The following PTGDS variants were observed in gnomAD, a reference collection of about 807,000 sequenced individuals.
PTGDS encodes the protein prostaglandin D2 synthase, also known as prostaglandin-H2 D-isomerase.
Under a neutral mutation model 28.4 loss-of-function variants are expected in PTGDS, and 21 were observed. The ratio of observed to expected loss-of-function variants is 0.74; its 90% CI spans 0.52 to 1.07. PTGDS has a LOEUF of 1.07. Among genes scored for constraint, PTGDS ranks in the 50% least tolerant of loss-of-function variants. The pLI is 0.00. For missense variants in PTGDS, 243 were observed against 247.7 expected, an observed-to-expected ratio of 0.98 and a Z score of 0.13; for synonymous variants, 102 against 106.0, an observed-to-expected ratio of 0.96 and a Z score of 0.23.
chr9:136,980,618 C>T (rs903255515), intron 5 of PTGDS: 23 of 1,512,102 alleles, frequency 1.5e-5, no homozygotes, highest in Non-Finnish European at 1.7e-5. Flanking sequence ...CAGGCACAGC[C>T]TCCTAGGGGT....
chr9:136,979,309 G>A lies in PTGDS; in HGVS notation c.331+10G>A, dbSNP rs1000652730. 19 of 1,604,966 alleles carry A rather than the reference G, an allele frequency of 1.2e-5. No individual in the cohort carries two copies. The highest frequency in any genetic ancestry group is 1.6e-5 in the Non-Finnish European group (19 of 1,176,272). On this transcript the variant is annotated intron_variant, in intron 3 of 6. Coordinates refer to ENST00000371625, the MANE Select transcript of PTGDS (RefSeq NM_000954.6). ...AGCTACCGGAGTCCCCGTGAGTGGG[G>A]CCTCCACCGGCCCCCTGGGCCCAGC...
At chr9:136,978,295 T>A (rs1830397106) in intron 1 of PTGDS, among the ~76,000 whole-genome samples, 1 of 152,020 alleles carries the variant, frequency 6.6e-6, no homozygotes, top group African/African-American at 2.4e-5. Flanking sequence ...GGCCAGGCGC[T>A]CAGCCAGGGC....
At position 136,980,010 on chromosome 9, in the gene PTGDS, C is replaced by T. The variant is rs746821662; in HGVS notation, c.396C>T (p.Tyr132=). 4 of 1,613,104 alleles carry T rather than the reference C, an allele frequency of 2.5e-6. No individual in the cohort carries two copies. The highest frequency in any genetic ancestry group is 1.1e-5 in the South Asian group (1 of 91,088). ...ACTACGACCAGTACGCGCTGCTGTA[C>T]AGCCAGGGCAGCAAGGGCCCTGGCG... ...ETDYDQYALL[Y]SQGSKGPGED... The change falls in exon 4 of 7, where the codon TAC becomes TAT. Residue 132 remains tyrosine (Y), a synonymous_variant. Transcript: ENST00000371625.
chr9:136,979,978 G>T lies in PTGDS; in HGVS notation c.364G>T (p.Glu122Ter). The T allele has an allele frequency of 6.2e-7, 1 of 1,613,270 alleles. No individual in the cohort carries two copies. The highest frequency in any genetic ancestry group is 8.5e-7 in the Non-Finnish European group (1 of 1,179,950). ...CAGCACCTACTCCGTGTCAGTGGTG[G>T]AGACCGACTACGACCAGTACGCGCT... ...WGSTYSVSVV[E>*]TDYDQYALLY... Residue 122 changes from glutamate (E) to a stop codon, truncating the protein, a stop_gained, in exon 4 of 7, where the codon GAG (glutamate) becomes TAG (stop). Transcript: ENST00000371625. LOFTEE classifies it high-confidence loss of function.
chr9:136,980,297 A>G lies in PTGDS; in HGVS notation c.550+13A>G, dbSNP rs1396931285. On this transcript the variant is annotated intron_variant, in intron 5 of 6. Transcript: ENST00000371625. ...CTGCCCCAAACCGGTGAGGGGTCCTAATCTGATGGGGAGAGGATCAAGGTC... is the reference window on the plus strand; with the variant it reads ...CTGCCCCAAACCGGTGAGGGGTCCTGATCTGATGGGGAGAGGATCAAGGTC... 2.5e-6 allele frequency: 4 copies of G among 1,612,318 alleles called. No individual in the cohort carries two copies. The South Asian group carries it at 3.3e-5, about 13-fold the overall frequency.
At chr9:136,979,380 G>A (rs761444400) in intron 3 of PTGDS, 81 bp downstream of exon 3, 1 of 1,578,658 alleles carries the variant, frequency 6.3e-7, no homozygotes. Context: ...GCCCCCTGCC[G>A]CGGAGATCCA....
At chr9:136,979,660 C>G in intron 3 of PTGDS, 1 of 613,982 alleles carries the variant, frequency 1.6e-6, no homozygotes, top group Non-Finnish European at 2.8e-6. Context: ...GGGAATGGCT[C>G]CCACGGGGAA....
At chr9:136,977,868 T>C (rs1015738742) in intron 1 of PTGDS, among the ~76,000 whole-genome samples, 176 bp downstream of exon 1, 7 of 148,840 alleles carry the variant, frequency 4.7e-5, no homozygotes, top group Admixed American at 2.0e-4. Flanking sequence ...CCGAGGAGGC[T>C]GCCCGCGAGA....
rs753598467 is a variant in PTGDS, at chr9:136,979,027, C to G, written c.149C>G (p.Ser50Cys). 1 of 1,609,030 alleles carries G rather than the reference C, an allele frequency of 6.2e-7. No homozygotes were observed. Among genetic ancestry groups the G allele is most frequent in the Non-Finnish European group, 8.5e-7 (1 of 1,178,060 alleles). The change falls in exon 2 of 7, where the codon TCC becomes TGC. Residue 50 changes from serine (S) to cysteine (C), a missense_variant. Transcript: ENST00000371625. ...CGCTGGTTCAGCGCGGGCCTCGCCT[C>G]CAACTCGAGCTGGCTCCGGGAGAAG... ...LGRWFSAGLA[S>C]NSSWLREKKA...
chr9:136,978,210 C>A (rs758079309), intron 1 of PTGDS, among the ~76,000 whole-genome samples: 5 of 152,138 alleles, frequency 3.3e-5, no homozygotes, highest in Admixed American at 6.5e-5. Flanking sequence ...AGAACCCCAG[C>A]GGTCCGCAGA....
At chr9:136,979,921 A>G (rs1351945961) in intron 3 of PTGDS, 25 bp from the exon 4 acceptor site, 1 of 1,605,588 alleles carries the variant, frequency 6.2e-7, no homozygotes, top group Non-Finnish European at 8.5e-7. Flanking sequence ...TGAGTCCCCG[A>G]CAGGGTTGTC....
chr9:136,978,728 T>C (rs568696536), intron 1 of PTGDS: 1 of 219,276 alleles, frequency 4.6e-6, no homozygotes, highest in African/African-American at 5.9e-5. Context: ...AGGGGCGGGG[T>C]CATCTCCTGG....
chr9:136,980,368 G>A (rs755241099), intron 5 of PTGDS, 84 bp downstream of exon 5: 31 of 1,454,934 alleles, frequency 2.1e-5, no homozygotes, highest in Non-Finnish European at 2.9e-5. Flanking sequence ...GAGGCAGAGG[G>A]GAGGAGGTGG....
At position 136,978,975 on chromosome 9, in the gene PTGDS, G is replaced by T; in HGVS notation, c.115-18G>T. On this transcript the variant is annotated intron_variant, in intron 1 of 6. Coordinates refer to ENST00000371625, the MANE Select transcript of PTGDS (RefSeq NM_000954.6). ...CCGGAGGGTCCTGGCCGACGCGGGT[G>T]GGGGTCGCTCGCCGCAGTTCCTGGG... 6.2e-7 allele frequency: 1 copy of T among 1,602,570 alleles called. No individual in the cohort carries two copies. Among genetic ancestry groups the T allele is most frequent in the Non-Finnish European group, 8.5e-7 (1 of 1,177,956 alleles).
chr9:136,977,687 G>C lies in PTGDS; in HGVS notation c.109G>C (p.Asp37His). 6.3e-7 allele frequency: 1 copy of C among 1,595,388 alleles called. No homozygotes were observed. The highest frequency in any genetic ancestry group is 8.5e-7 in the Non-Finnish European group (1 of 1,172,854). Residue 37 changes from aspartate (D) to histidine (H), a missense_variant, in exon 1 of 7, where the codon GAC becomes CAC. Physicochemically the swap from Asp to His is moderately conservative, Grantham distance 81. Transcript: ENST00000371625. ...QVSVQPNFQQ[D>H]KFLGRWFSAG... is the part of the protein sequence containing the mutation. ...CTCCGTGCAGCCCAACTTCCAGCAG[G>C]ACAAGGTGAGGGGCTTTCCTGCGTC...
chr9:136,977,799 TGCCGGGCAGTGCCG>T, intron 1 of PTGDS, 107 bp downstream of exon 1: 1 of 1,032,710 alleles, frequency 9.7e-7, no homozygotes, highest in Non-Finnish European at 1.4e-6. Flanking sequence ...AGTCCCGCAG[TGCCGGGCAGTGCCG>T]GCCAGGGACT....
At chr9:136,978,437 CT>C (rs1830401301) in intron 1 of PTGDS, among the ~76,000 whole-genome samples, 1 of 111,668 alleles carries the variant, frequency 9.0e-6, no homozygotes, top group Non-Finnish European at 1.9e-5. Flanking sequence ...GCTTCTGGGG[CT>C]GAGGCGTGAG....
chr9:136,978,907 G>A (rs769301332), intron 1 of PTGDS, 86 bp from the exon 2 acceptor site: 10 of 1,550,152 alleles, frequency 6.5e-6, no homozygotes, highest in African/African-American at 2.7e-5. Context: ...GAGACCGGAG[G>A]AGTAGACGGC....
At chr9:136,980,633 AG>A in intron 5 of PTGDS, 199 bp from the exon 6 acceptor site, 1 of 1,534,124 alleles carries the variant, frequency 6.5e-7, no homozygotes. Flanking sequence ...AGGGGTGGAC[AG>A]CCTGCTCTTG....
Sources: gnomAD v4.1 joint callset for allele counts (sites outside exome capture counted in the v4.1 genomes callset) on GRCh38, gnomAD v4.1.1 for gene constraint, MANE v1.5 for transcripts, NCBI Gene and HGNC (gene_info 2026-07-23, HGNC 2026-07-21) for gene names.